Variants in CDH3 observed in about 807,000 individuals in gnomAD.
CDH3 encodes cadherin-3.
A neutral mutation model predicts 82.0 loss-of-function variants in CDH3; 54 were observed. The ratio of observed to expected loss-of-function variants is 0.66; its 90% CI spans 0.53 to 0.83. The LOEUF (loss-of-function observed/expected upper bound fraction) is 0.83. CDH3 is among the 40% of genes least tolerant of loss of function. CDH3 has a pLI of 0.00. For synonymous variants in CDH3, 446 were observed against 437.9 expected, an observed-to-expected ratio of 1.02 and a Z score of -0.23; for missense variants, 1,054 against 1,084.6, an observed-to-expected ratio of 0.97 and a Z score of 0.40.
chr16:68,716,585 C>T (rs55849045), intron 1 of CDH3, among the ~76,000 whole-genome samples: 13,360 of 131,200 alleles, frequency 0.1, 672 homozygotes, highest in Middle Eastern at 0.19. Context: ...CATGCCACTG[C>T]ACTCCAGCCT....
At chr16:68,677,703 A>G (rs1468190477) in intron 3 of CDH3, among the ~76,000 whole-genome samples, 1 of 152,222 alleles carries the variant, frequency 6.6e-6, no homozygotes, top group Non-Finnish European at 1.5e-5. Context: ...GTGCCACTGC[A>G]CTCCAGCCTG....
chr16:68,685,379 A>C lies in CDH3; in HGVS notation c.1570+29A>C, dbSNP rs762007985. 3 of 1,612,654 alleles carry C rather than the reference A, an allele frequency of 1.9e-6. No homozygotes were observed. In the African/African-American group the frequency reaches 4.0e-5, roughly 22 times the overall value. On this transcript the variant is annotated intron_variant, in intron 11 of 15. Transcript: ENST00000264012. ...AGAGCATCCTCCCAGCCCTCCCACA[A>C]GGGCCACTTTTGGTTCTCAGGTCAC...
At chr16:68,668,827 A>G (rs1351972127) in intron 2 of CDH3, among the ~76,000 whole-genome samples, 1 of 152,202 alleles carries the variant, frequency 6.6e-6, no homozygotes, top group African/African-American at 2.4e-5. Context: ...TCAGAAGCCT[A>G]GGTTAATTGT....
chr16:68,666,438 C>T (rs184593369), intron 2 of CDH3, among the ~76,000 whole-genome samples: 3 of 152,286 alleles, frequency 2.0e-5, no homozygotes, highest in Non-Finnish European at 4.4e-5. Flanking sequence ...CAATGGGCCT[C>T]CCAGCATGCC....
At chr16:68,709,529 G>T (rs755452020) in intron 1 of CDH3, among the ~76,000 whole-genome samples, 2 of 152,084 alleles carry the variant, frequency 1.3e-5, no homozygotes, top group Non-Finnish European at 2.9e-5. Flanking sequence ...CACAATCTCG[G>T]CTTACTGCAA....
chr16:68,657,620 G>C (rs1338140945), intron 2 of CDH3, among the ~76,000 whole-genome samples: 1 of 152,200 alleles, frequency 6.6e-6, no homozygotes, highest in African/African-American at 2.4e-5. Context: ...CAAGGCCACA[G>C]AGCTAGGAGG....
At chr16:68,712,040 T>TTTA (rs1445483813) in intron 1 of CDH3, among the ~76,000 whole-genome samples, 1 of 125,498 alleles carries the variant, frequency 8.0e-6, no homozygotes. Flanking sequence ...TTGTTTTCTT[T>TTTA]TTTTTTTTTT....
chr16:68,725,309 G>A (rs577884407), intron 2 of CDH3, among the ~76,000 whole-genome samples: 8 of 151,994 alleles, frequency 5.3e-5, no homozygotes, highest in Non-Finnish European at 8.8e-5. Context: ...ACTCCCGTCT[G>A]CCATGTTTAG....
intron 11 of CDH3, among the ~76,000 whole-genome samples, chr16:68,685,992 C>A (rs921102326): frequency 6.6e-6 from 1 of 152,044 alleles, no homozygotes. Context: ...ATACAGAGAC[C>A]CTGTCTCTAC....
At chr16:68,695,730 G>C (rs772117896) in intron 14 of CDH3, 47 bp from the exon 15 acceptor site, 21 of 1,607,694 alleles carry the variant, frequency 1.3e-5, no homozygotes, top group Admixed American at 5.0e-5. Flanking sequence ...GCAGGGGAGT[G>C]GGGGACAGGA....
chr16:68,676,031 C>T (rs961799682), intron 2 of CDH3, among the ~76,000 whole-genome samples: 1 of 152,134 alleles, frequency 6.6e-6, no homozygotes, highest in Non-Finnish European at 1.5e-5. Flanking sequence ...TCACAGCCTT[C>T]AGAAAATCTT....
downstream of CDH3, among the ~76,000 whole-genome samples, chr16:68,704,057 C>T (rs572215067): frequency 1.3e-5 from 2 of 152,164 alleles, no homozygotes; most frequent in South Asian, 2.1e-4. Context: ...GAGGCCGAGG[C>T]GGGCGGATCA....
chr16:68,657,089 G>C (rs1960425886), intron 2 of CDH3, among the ~76,000 whole-genome samples: 1 of 152,176 alleles, frequency 6.6e-6, no homozygotes, highest in East Asian at 1.9e-4. Flanking sequence ...GTTACCTAGA[G>C]CATCAGAGGT....
intron 1 of CDH3, chr16:68,722,331 T>C (rs1340107404): frequency 6.6e-6 from 1 of 152,152 alleles, no homozygotes; most frequent in Admixed American, 6.6e-5. Context: ...GCCTGAAAAG[T>C]TGGACAGTTA....
the CDH3 span, among the ~76,000 whole-genome samples, chr16:68,732,960 G>A: frequency 6.6e-6 from 1 of 151,136 alleles, no homozygotes; most frequent in Non-Finnish European, 1.5e-5. Context: ...CGGGGGTGGG[G>A]GAAGGAGAGC....
At chr16:68,685,393 T>G (rs1286751822) in intron 11 of CDH3, 43 bp downstream of exon 11, 3 of 1,605,432 alleles carry the variant, frequency 1.9e-6, no homozygotes, top group Non-Finnish European at 2.6e-6. Flanking sequence ...CCACTTTTGG[T>G]TCTCAGGTCA....
Position 68,684,561 on chromosome 16 carries a change from CCTT to C in CDH3, c.1183-17_1183-15del, listed in dbSNP as rs1343155734. 2 of 1,614,008 alleles carry C rather than the reference CCTT, an allele frequency of 1.2e-6. No homozygotes were observed. Among genetic ancestry groups the C allele is most frequent in the East Asian group, 4.5e-5 (2 of 44,886 alleles). On this transcript the variant is annotated intron_variant, in intron 9 of 15. Transcript: ENST00000264012. ...CTCCTCTCAAAATGGTGGTCCAGGT[CCTT>C]CTTCCTCTTCTCTCCTAGGGTTTGG...
At position 68,676,877 on chromosome 16, in the gene CDH3, G is replaced by A. The variant is rs112606870; in HGVS notation, c.246+407G>A. 6.6e-5 allele frequency among the ~76,000 whole-genome samples: 10 copies of A among 152,202 alleles called. No individual in the cohort carries two copies. The East Asian group carries it at 9.7e-4, about 15-fold the overall frequency. On this transcript the variant is annotated intron_variant, in intron 3 of 15. Coordinates refer to ENST00000264012, the MANE Select transcript of CDH3 (RefSeq NM_001793.6). Reference sequence around the variant, plus strand: ...CATCTGGGGTGCTTGGCCACACTTCGTTTTAATTTTTGAATAGCTAATATA... The same window carrying A: ...CATCTGGGGTGCTTGGCCACACTTCATTTTAATTTTTGAATAGCTAATATA...
intron 2 of CDH3, among the ~76,000 whole-genome samples, chr16:68,725,533 C>T (rs1332620766): frequency 6.6e-6 from 1 of 151,870 alleles, no homozygotes; most frequent in South Asian, 2.1e-4. Flanking sequence ...CGGGGTTTCA[C>T]CATGTTAGCC....
Sources: gnomAD v4.1 joint callset for allele counts (sites outside exome capture counted in the v4.1 genomes callset) on GRCh38, gnomAD v4.1.1 for gene constraint, MANE v1.5 for transcripts, NCBI Gene and HGNC (gene_info 2026-07-23, HGNC 2026-07-21) for gene names.